Variants in SLC5A11 observed in about 807,000 individuals in gnomAD.
SLC5A11 encodes the protein sodium/myo-inositol cotransporter 2.
A neutral mutation model predicts 69.8 loss-of-function variants in SLC5A11; 48 were observed. The observed-to-expected ratio is 0.69, with a 90% CI of 0.55 to 0.87. The LOEUF is 0.87. SLC5A11 is among the 40% of genes least tolerant of loss of function. The pLI, the probability that SLC5A11 is intolerant of heterozygous loss-of-function variation, is 0.00. For missense variants in SLC5A11, 784 were observed against 866.1 expected (o/e 0.91, Z 1.19); for synonymous variants, 319 against 342.4 (o/e 0.93, Z 0.75).
At chr16:24,896,096 A>G (rs1219045270) in intron 9 of SLC5A11, among the ~76,000 whole-genome samples, 4 of 149,096 alleles carry the variant, frequency 2.7e-5, no homozygotes, top group Admixed American at 1.3e-4. Flanking sequence ...GCTCACGCCT[A>G]TAATCACAGC....
At chr16:24,893,549 T>TTTTTTATTA (rs570546594) in intron 9 of SLC5A11, among the ~76,000 whole-genome samples, 645 of 151,944 alleles carry the variant, frequency 4.2e-3, no homozygotes, top group Non-Finnish European at 7.4e-3. Context: ...TCTGAACTTC[T>TTTTTTATTA]TTTTTATTAT....
chr16:24,852,980 A>C (rs1434312087), intron 1 of SLC5A11, among the ~76,000 whole-genome samples: 2 of 151,352 alleles, frequency 1.3e-5, no homozygotes, highest in Non-Finnish European at 2.9e-5. Context: ...GTGCCTAATA[A>C]ATGTTTGTTC....
exon 6 of SLC5A11, chr16:24,875,664 G>C (rs766552331): frequency 6.2e-7 from 1 of 1,613,944 alleles, no homozygotes; most frequent in Non-Finnish European, 8.5e-7. Flanking sequence ...AAGCGCTTCG[G>C]TGGCATCAGA....
Position 24,877,170 on chromosome 16 carries a change from GC to G in SLC5A11, c.478-85del, listed in dbSNP as rs1266250155. 12 of 1,570,288 alleles carry G rather than the reference GC, an allele frequency of 7.6e-6. No homozygotes were observed. In the Admixed American group the frequency reaches 1.0e-4, roughly 13 times the overall value. ...CTGTGTTTGTCAGCATCTAGGCTAGGCCCTGATCCCAGGGAACCTGTGCTGC... is the reference window on the plus strand; with the variant it reads ...CTGTGTTTGTCAGCATCTAGGCTAGGCCTGATCCCAGGGAACCTGTGCTGC... On this transcript the variant is annotated intron_variant, in intron 6 of 15. Coordinates refer to ENST00000347898, the Ensembl canonical transcript of SLC5A11.
exon 16 of SLC5A11, chr16:24,911,621 C>A: frequency 7.6e-7 from 1 of 1,310,290 alleles, no homozygotes; most frequent in African/African-American, 1.5e-5. Flanking sequence ...CTTTTGTTTA[C>A]CACAAGGCTT....
intron 3 of SLC5A11, among the ~76,000 whole-genome samples, chr16:24,864,983 C>A (rs2046832666): frequency 6.6e-6 from 1 of 151,772 alleles, no homozygotes; most frequent in Admixed American, 6.6e-5. Flanking sequence ...CGAAGAGAAA[C>A]AGAGTCTCAG....
chr16:24,851,399 G>A (rs979484186), intron 1 of SLC5A11, among the ~76,000 whole-genome samples: 2 of 152,182 alleles, frequency 1.3e-5, no homozygotes, highest in East Asian at 1.9e-4. Flanking sequence ...GGTTGCAAAC[G>A]CCTGTAATCC....
At chr16:24,849,593 A>ATATATAT (rs61292571) in intron 1 of SLC5A11, among the ~76,000 whole-genome samples, 4 of 35,906 alleles carry the variant, frequency 1.1e-4, no homozygotes, top group Admixed American at 3.8e-4. Context: ...AAAAAAAAAA[A>ATATATAT]ATATATATAT....
chr16:24,861,761 GAAAGAA>G (rs1365595818), intron 2 of SLC5A11, among the ~76,000 whole-genome samples: 1 of 141,968 alleles, frequency 7.0e-6, no homozygotes, highest in Non-Finnish European at 1.5e-5. Flanking sequence ...AAGAAGGAAA[GAAAGAA>G]AGAGAAAGAA....
intron 7 of SLC5A11, among the ~76,000 whole-genome samples, chr16:24,881,939 T>C (rs1295647098): frequency 6.6e-6 from 1 of 152,254 alleles, no homozygotes; most frequent in African/African-American, 2.4e-5. Flanking sequence ...TGGAATACTA[T>C]TGGATGCTCT....
chr16:24,885,254 A>G (rs2048320384), intron 8 of SLC5A11, among the ~76,000 whole-genome samples: 1 of 150,538 alleles, frequency 6.6e-6, no homozygotes, highest in Non-Finnish European at 1.5e-5. Context: ...AGGGGAAGTT[A>G]TTTTGTTGAT....
intron 10 of SLC5A11, among the ~76,000 whole-genome samples, chr16:24,904,670 C>T (rs550894290): frequency 8.5e-5 from 13 of 152,324 alleles, no homozygotes; most frequent in African/African-American, 3.1e-4. Flanking sequence ...CCTAAATCTT[C>T]AACGGAGTCC....
chr16:24,883,311 G>T (rs2048167556), intron 7 of SLC5A11, among the ~76,000 whole-genome samples: 1 of 152,134 alleles, frequency 6.6e-6, no homozygotes, highest in Admixed American at 6.6e-5. Context: ...GCTGCAGTGA[G>T]CTATGATCAC....
At chr16:24,869,856 C>T (rs2047159218) in intron 3 of SLC5A11, 45 bp from the exon 5 acceptor site, 3 of 1,394,568 alleles carry the variant, frequency 2.2e-6, no homozygotes, top group Non-Finnish European at 3.1e-6. Context: ...GGAGCAGGTA[C>T]CCTTGACTTT....
chr16:24,847,614 G>A (rs1183182114), intron 1 of SLC5A11, among the ~76,000 whole-genome samples: 2 of 152,052 alleles, frequency 1.3e-5, no homozygotes, highest in Non-Finnish European at 2.9e-5. Context: ...CCTCAGCCTT[G>A]CAAAGTGCTG....
intron 10 of SLC5A11, among the ~76,000 whole-genome samples, chr16:24,902,148 C>G (rs1170979133): frequency 6.6e-6 from 1 of 151,974 alleles, no homozygotes; most frequent in Non-Finnish European, 1.5e-5. Context: ...TTTGACTGTG[C>G]TAAATGCCAG....
exon 16 of SLC5A11, chr16:24,911,386 A>C: frequency 6.2e-7 from 1 of 1,614,122 alleles, no homozygotes; most frequent in Non-Finnish European, 8.5e-7. Flanking sequence ...TCTGTGGAAT[A>C]CAGGAGAAGG....
At chr16:24,897,086 G>A (rs2049234521) in intron 9 of SLC5A11, among the ~76,000 whole-genome samples, 1 of 151,468 alleles carries the variant, frequency 6.6e-6, no homozygotes, top group African/African-American at 2.4e-5. Flanking sequence ...CCAAGTAGCT[G>A]GGATTACAAG....
intron 7 of SLC5A11, among the ~76,000 whole-genome samples, chr16:24,877,941 G>A (rs908386395): frequency 4.6e-5 from 7 of 152,076 alleles, no homozygotes; most frequent in South Asian, 2.1e-4. Flanking sequence ...CCAAGATCGC[G>A]CCACTGCACT....
Sources: allele counts gnomAD v4.1 joint callset (sites outside exome capture counted in the v4.1 genomes callset), GRCh38; gene constraint gnomAD v4.1.1; transcripts MANE v1.5; gene names NCBI Gene and HGNC (gene_info 2026-07-23, HGNC 2026-07-21).